The following NAV2 variants were observed in gnomAD, a reference collection of about 807,000 sequenced individuals.
NAV2 encodes the protein helicase, APC down-regulated 1.
A neutral mutation model predicts 223.2 loss-of-function variants in NAV2; 54 were observed. The observed-to-expected ratio is 0.24, with a 90% CI of 0.19 to 0.30. NAV2 has a LOEUF of 0.30. NAV2 is among the 10% of genes least tolerant of loss of function. NAV2 has a pLI of 1.00. For synonymous variants in NAV2, 1,279 were observed against 1,239.3 expected, an observed-to-expected ratio of 1.03 and a Z score of -0.67; for missense variants, 2,806 against 3,147.5, an observed-to-expected ratio of 0.89 and a Z score of 2.60.
chr11:19,897,574 A>G (rs1344942158), intron 6 of NAV2, among the ~76,000 whole-genome samples: 2 of 152,080 alleles, frequency 1.3e-5, no homozygotes, highest in African/African-American at 4.8e-5. Context: ...GATAGTATAT[A>G]ATACTTCTTA....
intron 9 of NAV2, among the ~76,000 whole-genome samples, chr11:19,947,824 T>C (rs1256986349): frequency 6.6e-6 from 1 of 152,140 alleles, no homozygotes; most frequent in Non-Finnish European, 1.5e-5. Context: ...GGATGAAATA[T>C]GAGAAAAGCA....
At chr11:19,844,593 A>G (rs940194501) in intron 3 of NAV2, among the ~76,000 whole-genome samples, 2 of 152,212 alleles carry the variant, frequency 1.3e-5, no homozygotes, top group African/African-American at 4.8e-5. Flanking sequence ...GTCATGCTCA[A>G]AAAGTTTTGG....
At chr11:19,945,298 T>C (rs1475405466) in intron 8 of NAV2, among the ~76,000 whole-genome samples, 2 of 151,274 alleles carry the variant, frequency 1.3e-5, no homozygotes, top group Non-Finnish European at 2.9e-5. Flanking sequence ...TATCTTTCTG[T>C]CTTTCTCATC....
chr11:19,585,321 G>C (rs60793407), intron 1 of NAV2, among the ~76,000 whole-genome samples: 279 of 152,290 alleles, frequency 1.8e-3, no homozygotes, highest in African/African-American at 6.3e-3. Flanking sequence ...GATGGGTCTT[G>C]ACTCTTTATC....
chr11:19,418,529 G>A (rs1324467508), intron 1 of NAV2, among the ~76,000 whole-genome samples: 3 of 152,202 alleles, frequency 2.0e-5, no homozygotes, highest in Admixed American at 6.5e-5. Context: ...CAGGGAAAAG[G>A]CATTCCAGAC....
intron 1 of NAV2, among the ~76,000 whole-genome samples, chr11:19,446,316 A>G (rs928706569): frequency 6.6e-6 from 1 of 152,120 alleles, no homozygotes; most frequent in African/African-American, 2.4e-5. Flanking sequence ...AGATGCCTCC[A>G]TGTTTTTAAG....
At chr11:20,000,809 C>G (rs1343520653) in intron 11 of NAV2, among the ~76,000 whole-genome samples, 1 of 152,114 alleles carries the variant, frequency 6.6e-6, no homozygotes, top group Non-Finnish European at 1.5e-5. Context: ...CGAACGCTTC[C>G]TCTCCCTCCC....
chr11:20,117,424 G>A (rs2063205987), intron 37 of NAV2, among the ~76,000 whole-genome samples: 1 of 152,144 alleles, frequency 6.6e-6, no homozygotes, highest in East Asian at 1.9e-4. Flanking sequence ...TATGAGAAGT[G>A]TTGCCATTCT....
At chr11:20,051,737 C>G (rs2058024260) in intron 17 of NAV2, among the ~76,000 whole-genome samples, 1 of 152,164 alleles carries the variant, frequency 6.6e-6, no homozygotes, top group African/African-American at 2.4e-5. Flanking sequence ...GACAAGAGCA[C>G]AGGAGGCAAG....
At chr11:19,783,078 C>T (rs1008407802) in intron 1 of NAV2, among the ~76,000 whole-genome samples, 1 of 152,184 alleles carries the variant, frequency 6.6e-6, no homozygotes, top group Non-Finnish European at 1.5e-5. Context: ...AAGCAAGGCA[C>T]TTTAAATGGG....
At chr11:19,700,970 G>A (rs1290174100) in intron 1 of NAV2, among the ~76,000 whole-genome samples, 1 of 152,146 alleles carries the variant, frequency 6.6e-6, no homozygotes, top group Admixed American at 6.5e-5. Context: ...ACTTACACCT[G>A]GCCCTCTGTC....
Position 20,118,286 on chromosome 11 carries a change from C to G in NAV2, c.*28C>G, listed in dbSNP as rs1317755704. 2 of 1,611,614 alleles carry G rather than the reference C, an allele frequency of 1.2e-6. No homozygotes were observed. Among genetic ancestry groups the G allele is most frequent in the South Asian group, 1.1e-5 (1 of 90,950 alleles). Reference sequence around the variant, plus strand: ...GGGGCCCGGAGCCCAGCGCCCTCCTCTTCTCCTCACCGCATTCCACCTGCA... The same window carrying G: ...GGGGCCCGGAGCCCAGCGCCCTCCTGTTCTCCTCACCGCATTCCACCTGCA... On this transcript the variant is annotated 3_prime_UTR_variant, in exon 38 of 38. Transcript: ENST00000349880.
At chr11:19,474,447 A>C (rs1333705733) in intron 1 of NAV2, among the ~76,000 whole-genome samples, 5 of 152,268 alleles carry the variant, frequency 3.3e-5, no homozygotes, top group Admixed American at 2.6e-4. Flanking sequence ...ATTAGAAAGC[A>C]TCAAACAATA....
At chr11:19,466,166 A>G (rs571908802) in intron 1 of NAV2, among the ~76,000 whole-genome samples, 3 of 152,364 alleles carry the variant, frequency 2.0e-5, no homozygotes, top group South Asian at 2.1e-4. Context: ...ATGGGAAGAC[A>G]GGCAGCATTT....
intron 1 of NAV2, among the ~76,000 whole-genome samples, chr11:19,780,464 G>C (rs967908560): frequency 6.6e-6 from 1 of 152,244 alleles, no homozygotes; most frequent in East Asian, 1.9e-4. Flanking sequence ...TTGAGGAGTG[G>C]TAGAGTCCAA....
At chr11:19,637,564 C>A (rs1335173858) in intron 1 of NAV2, among the ~76,000 whole-genome samples, 1 of 152,260 alleles carries the variant, frequency 6.6e-6, no homozygotes, top group African/African-American at 2.4e-5. Context: ...GTTCTGCAGG[C>A]TGTACAGGAA....
chr11:19,366,411 CT>C (rs1368898922), intron 1 of NAV2, among the ~76,000 whole-genome samples: 1 of 152,194 alleles, frequency 6.6e-6, no homozygotes, highest in Non-Finnish European at 1.5e-5. Flanking sequence ...TTCCTGCTTG[CT>C]TCTTCTAGCT....
chr11:20,030,945 TC>T, intron 11 of NAV2, among the ~76,000 whole-genome samples: 1 of 152,236 alleles, frequency 6.6e-6, no homozygotes, highest in Middle Eastern at 3.2e-3. Context: ...AAAGCCTTAA[TC>T]TTAATATTAT....
intron 37 of NAV2, 132 bp from the exon 38 acceptor site, chr11:20,118,001 T>G: frequency 1.0e-6 from 1 of 988,474 alleles, no homozygotes; most frequent in Non-Finnish European, 1.5e-6. Context: ...AAAGTCCATG[T>G]TCTTGTCCAC....
Sources: gnomAD v4.1 joint callset for allele counts (sites outside exome capture counted in the v4.1 genomes callset) on GRCh38, gnomAD v4.1.1 for gene constraint, MANE v1.5 for transcripts, NCBI Gene and HGNC (gene_info 2026-07-23, HGNC 2026-07-21) for gene names.